CNTNAP3B: variants seen among roughly 807,000 people sequenced by gnomAD.
CNTNAP3B encodes the protein contactin-associated protein-like 3B.
A neutral mutation model predicts 108.9 loss-of-function variants in CNTNAP3B; 25 were observed. The ratio of observed to expected loss-of-function variants is 0.23; its 90% CI spans 0.17 to 0.32. CNTNAP3B has a LOEUF of 0.32. CNTNAP3B is among the 10% of genes least tolerant of loss of function. The probability of loss-of-function intolerance (pLI) is 1.00; values close to 1 mark genes in which losing one functional copy is unlikely to be tolerated. For synonymous variants in CNTNAP3B, 103 were observed against 473.4 expected (o/e 0.22, Z 10.16); for missense variants, 252 against 1,210.4 (o/e 0.21, Z 11.75).
intron 3 of CNTNAP3B, among the ~76,000 whole-genome samples, chr9:42,025,018 T>C (rs1826392764): frequency 6.9e-6 from 1 of 145,934 alleles, no homozygotes; most frequent in South Asian, 2.2e-4. Flanking sequence ...TGTGAATAAT[T>C]CTAACTGGGC....
chr9:42,112,790 T>A lies in CNTNAP3B; in HGVS notation c.86-8051A>T. Among the ~76,000 whole-genome samples, 2 of 134,934 alleles carry A rather than the reference T, an allele frequency of 1.5e-5. 1 individual carries two copies. Among genetic ancestry groups the A allele is most frequent in the Middle Eastern group, 7.4e-3 (2 of 270 alleles). 88.5% of individuals were successfully genotyped at this position (134,934 alleles called of 152,430 possible). A position where few individuals can be genotyped will look rare whatever the true frequency, so the allele number is the denominator to read the frequency against. The stretch of plus-strand genomic sequence containing the variant: ...TAACAACAGTATACCAATTTTAACA[T>A]ACCAGGACCAAGGACTTTATTCTAT... On this transcript the variant is annotated intron_variant, in intron 1 of 23. Transcript: ENST00000377561.
chr9:42,042,915 T>G (rs1233524639), intron 3 of CNTNAP3B, among the ~76,000 whole-genome samples: 1 of 145,770 alleles, frequency 6.9e-6, no homozygotes, highest in African/African-American at 2.6e-5. Flanking sequence ...GAAATGAAAT[T>G]TTTTTAACTA....
intron 3 of CNTNAP3B, among the ~76,000 whole-genome samples, chr9:42,070,246 T>TTGCCTTACAAGGACAATC (rs1827343279): frequency 6.6e-6 from 1 of 151,364 alleles, no homozygotes; most frequent in Admixed American, 6.6e-5. Flanking sequence ...AATGTTTAGT[T>TTGCCTTACAAGGACAATC]TGCCTTACAA....
chr9:41,962,814 G>T, intron 11 of CNTNAP3B, among the ~76,000 whole-genome samples: 1 of 152,176 alleles, frequency 6.6e-6, no homozygotes, highest in Non-Finnish European at 1.5e-5. Flanking sequence ...AATTAGCCAG[G>T]CGTGGTGGCG....
At position 42,062,754 on chromosome 9, in the gene CNTNAP3B, T is replaced by C. The variant is rs1171567450; in HGVS notation, c.390+14115A>G. The stretch of plus-strand genomic sequence containing the variant: ...TTCTCTTTCCATCTTCCTTTGTGAT[T>C]AGGCAATTTTCTATAGTGGCATGGT... On this transcript the variant is annotated intron_variant, in intron 3 of 23. Coordinates refer to ENST00000377561, the MANE Select transcript of CNTNAP3B (RefSeq NM_001201380.3). Among the ~76,000 whole-genome samples, 4 of 95,630 alleles carry C rather than the reference T, an allele frequency of 4.2e-5. 2 individuals are homozygous for C. Among genetic ancestry groups the C allele is most frequent in the East Asian group, 1.2e-3 (2 of 1,678 alleles). The allele number at this position is 95,630 out of a possible 152,430, so 62.7% of individuals were successfully genotyped here.
intron 1 of CNTNAP3B, among the ~76,000 whole-genome samples, chr9:42,119,335 CA>C (rs2118739264): frequency 7.6e-6 from 1 of 131,188 alleles, no homozygotes; most frequent in African/African-American, 3.1e-5. Flanking sequence ...AAAGAGGATA[CA>C]AACAAATGGA....
rs142410441 is a variant in CNTNAP3B, at chr9:42,095,930, C to T, written c.196+8699G>A. 2.4e-3 allele frequency among the ~76,000 whole-genome samples: 327 copies of T among 138,618 alleles called. 2 individuals are homozygous for T. Among genetic ancestry groups the T allele is most frequent in the African/African-American group, 8.3e-3 (288 of 34,740 alleles). The allele number at this position is 138,618 out of a possible 152,430, so 90.9% of individuals were successfully genotyped here. A position where few individuals can be genotyped will look rare whatever the true frequency, so the allele number is the denominator to read the frequency against. On this transcript the variant is annotated intron_variant, in intron 2 of 23. Coordinates refer to ENST00000377561, the MANE Select transcript of CNTNAP3B (RefSeq NM_001201380.3). ...CTCAGGGATGGCGACCTGCTGCCGA[C>T]GGAGCCAAGTCCTCCCATCCCAGGC...
At chr9:42,127,454 G>T (rs544487599) in intron 1 of CNTNAP3B, among the ~76,000 whole-genome samples, 1 of 139,588 alleles carries the variant, frequency 7.2e-6, no homozygotes, top group Non-Finnish European at 1.5e-5. Flanking sequence ...TTTTCTCCAG[G>T]AAGGTCTTTT....
chr9:42,075,537 G>C lies in CNTNAP3B; in HGVS notation c.390+1332C>G, dbSNP rs1179279629. On this transcript the variant is annotated intron_variant, in intron 3 of 23. Transcript: ENST00000377561. ...ACCTTAACCTTTACGCTCTTTCCCC[G>C]CAGGCTAGTAACCTTTCAGAGTAAG... 2.4e-5 allele frequency among the ~76,000 whole-genome samples: 3 copies of C among 123,852 alleles called. 1 individual carries two copies. The highest frequency in any genetic ancestry group is 5.0e-5 in the Non-Finnish European group (3 of 59,892). 81.3% of individuals were successfully genotyped at this position (123,852 alleles called of 152,430 possible). A position where few individuals can be genotyped will look rare whatever the true frequency, so the allele number is the denominator to read the frequency against.
intron 1 of CNTNAP3B, among the ~76,000 whole-genome samples, chr9:42,115,822 A>G (rs1164784533): frequency 8.2e-6 from 1 of 121,460 alleles, no homozygotes; most frequent in Non-Finnish European, 1.7e-5. Flanking sequence ...CTCCAAAGGA[A>G]CACAACGCCT....
At chr9:41,941,293 C>G (rs576075083) in intron 13 of CNTNAP3B, among the ~76,000 whole-genome samples, 78 of 145,390 alleles carry the variant, frequency 5.4e-4, no homozygotes, top group African/African-American at 2.0e-3. Flanking sequence ...AATAACACAA[C>G]GAGAAATTTA....
intron 16 of CNTNAP3B, among the ~76,000 whole-genome samples, chr9:41,923,535 G>A (rs1440445077): frequency 5.2e-5 from 8 of 152,384 alleles, no homozygotes; most frequent in Non-Finnish European, 7.3e-5. Flanking sequence ...CCCGAGGCAG[G>A]CGGATCACTT....
At chr9:41,920,666 G>A (rs1283552010) in intron 17 of CNTNAP3B, among the ~76,000 whole-genome samples, 4 of 152,300 alleles carry the variant, frequency 2.6e-5, no homozygotes, top group Non-Finnish European at 4.4e-5. Context: ...GAATAAGAAT[G>A]TGCATTCATC....
At chr9:41,930,762 TA>T (rs947727726) in intron 14 of CNTNAP3B, among the ~76,000 whole-genome samples, 26 of 152,378 alleles carry the variant, frequency 1.7e-4, no homozygotes, top group African/African-American at 6.3e-4. Flanking sequence ...GAGGATCCCC[TA>T]GGGGAACCTG....
At chr9:41,928,067 G>T (rs1033655947) in intron 15 of CNTNAP3B, among the ~76,000 whole-genome samples, 1 of 152,142 alleles carries the variant, frequency 6.6e-6, no homozygotes, top group Admixed American at 6.5e-5. Context: ...AATAATTAAC[G>T]CTAAGGCATA....
chr9:42,125,496 G>C (rs1435292260), intron 1 of CNTNAP3B, among the ~76,000 whole-genome samples: 1 of 140,692 alleles, frequency 7.1e-6, no homozygotes, highest in Non-Finnish European at 1.5e-5. Flanking sequence ...TGTTCAAAAA[G>C]AGAAGGGGAA....
At chr9:41,962,769 C>G (rs1825140550) in intron 11 of CNTNAP3B, among the ~76,000 whole-genome samples, 1 of 152,020 alleles carries the variant, frequency 6.6e-6, no homozygotes, top group African/African-American at 2.4e-5. Flanking sequence ...TCCCGGCTAA[C>G]ATGGCAAAAC....
intron 14 of CNTNAP3B, among the ~76,000 whole-genome samples, chr9:41,935,971 C>G (rs1188436232): frequency 6.6e-6 from 1 of 152,272 alleles, no homozygotes; most frequent in Non-Finnish European, 1.5e-5. Context: ...TCACTCAATA[C>G]AGGTGGCTCC....
intron 23 of CNTNAP3B, among the ~76,000 whole-genome samples, 190 bp from the exon 24 acceptor site, chr9:41,894,300 T>C (rs1262967757): frequency 1.6e-5 from 2 of 121,836 alleles, no homozygotes; most frequent in Non-Finnish European, 3.3e-5. Context: ...CTTTTTACAA[T>C]TATTCTTTGT....
Sources: allele counts gnomAD v4.1 joint callset (sites outside exome capture counted in the v4.1 genomes callset), GRCh38; gene constraint gnomAD v4.1.1; transcripts MANE v1.5; gene names NCBI Gene and HGNC (gene_info 2026-07-23, HGNC 2026-07-21).